Variants in GLI3 observed in about 807,000 individuals in gnomAD.
GLI3 encodes GLI family zinc finger 3.
A neutral mutation model predicts 100.8 loss-of-function variants in GLI3; 20 were observed. The observed-to-expected ratio is 0.20, with a 90% confidence interval of 0.14 to 0.29. The LOEUF (loss-of-function observed/expected upper bound fraction) is 0.29. Ranked by LOEUF, GLI3 falls within the 10% of genes least tolerant of loss-of-function variation. The probability of loss-of-function intolerance (pLI) is 1.00; values close to 1 mark genes in which losing one functional copy is unlikely to be tolerated. For synonymous variants in GLI3, 938 were observed against 860.5 expected, an observed-to-expected ratio of 1.09 and a Z score of -1.58; for missense variants, 2,040 against 2,128.5, an observed-to-expected ratio of 0.96 and a Z score of 0.82.
At chr7:42,249,032 C>T (rs1190356955) in intron 1 of GLI3, among the ~76,000 whole-genome samples, 2 of 152,142 alleles carry the variant, frequency 1.3e-5, no homozygotes, top group Non-Finnish European at 2.9e-5. Flanking sequence ...CAGGCATGAG[C>T]CACTGCGCCT....
chr7:42,215,583 G>A (rs2128699550), intron 2 of GLI3, among the ~76,000 whole-genome samples: 1 of 152,272 alleles, frequency 6.6e-6, no homozygotes, highest in South Asian at 2.1e-4. Context: ...CACACCCCAT[G>A]ATCACATGTA....
At chr7:42,097,572 T>C (rs879532524) in intron 3 of GLI3, among the ~76,000 whole-genome samples, 1 of 152,234 alleles carries the variant, frequency 6.6e-6, no homozygotes, top group Non-Finnish European at 1.5e-5. Context: ...CTCGTGTCCA[T>C]GGAAATGGCC....
chr7:42,170,857 G>T (rs1787358516), intron 2 of GLI3, among the ~76,000 whole-genome samples: 2 of 152,130 alleles, frequency 1.3e-5, no homozygotes, highest in Non-Finnish European at 2.9e-5. Context: ...TGGGAAGGAG[G>T]TATTAGACAT....
intron 2 of GLI3, among the ~76,000 whole-genome samples, chr7:42,165,489 T>C (rs1235921801): frequency 6.6e-6 from 1 of 152,238 alleles, no homozygotes; most frequent in African/African-American, 2.4e-5. Flanking sequence ...TTTTTCCACA[T>C]GGACACTTAA....
At chr7:41,988,955 C>T (rs1787903905) in intron 10 of GLI3, among the ~76,000 whole-genome samples, 1 of 152,102 alleles carries the variant, frequency 6.6e-6, no homozygotes, top group South Asian at 2.1e-4. Flanking sequence ...TATTTAAGTC[C>T]TATTGTGATT....
intron 4 of GLI3, among the ~76,000 whole-genome samples, chr7:42,053,837 T>C (rs887642308): frequency 1.3e-5 from 2 of 152,198 alleles, no homozygotes; most frequent in African/African-American, 4.8e-5. Flanking sequence ...CAAAAGAGTA[T>C]AGAAATATGC....
At chr7:42,124,800 CTGTG>C (rs1005687868) in intron 3 of GLI3, among the ~76,000 whole-genome samples, 1 of 152,110 alleles carries the variant, frequency 6.6e-6, no homozygotes, top group African/African-American at 2.4e-5. Flanking sequence ...ATTGGTGCTG[CTGTG>C]TGTGTGAAAA....
At chr7:42,035,406 C>T (rs979809380) in intron 7 of GLI3, among the ~76,000 whole-genome samples, 4 of 152,248 alleles carry the variant, frequency 2.6e-5, no homozygotes, top group Admixed American at 2.6e-4. Context: ...CACAACTTGC[C>T]CTCTCATCAT....
At chr7:42,258,148 A>G (rs1304210201) in intron 1 of GLI3, among the ~76,000 whole-genome samples, 3 of 152,206 alleles carry the variant, frequency 2.0e-5, no homozygotes, top group Non-Finnish European at 4.4e-5. Context: ...TGCAAGCTCC[A>G]TGAGGTCACA....
At chr7:41,980,917 A>C (rs1162468532) in intron 10 of GLI3, among the ~76,000 whole-genome samples, 2 of 152,180 alleles carry the variant, frequency 1.3e-5, no homozygotes, top group African/African-American at 4.8e-5. Context: ...TTACTATACA[A>C]TTACAGTTGT....
intron 1 of GLI3, among the ~76,000 whole-genome samples, chr7:42,227,039 G>A (rs962426754): frequency 6.6e-6 from 1 of 152,168 alleles, no homozygotes; most frequent in Non-Finnish European, 1.5e-5. Flanking sequence ...AAAAAATAAT[G>A]AAGTATAATT....
chr7:42,178,968 G>A (rs898260331), intron 2 of GLI3, among the ~76,000 whole-genome samples: 1 of 152,148 alleles, frequency 6.6e-6, no homozygotes. Context: ...AGGCAAAAAT[G>A]TTCCTGGTGT....
chr7:42,038,352 G>C (rs1247264200), intron 7 of GLI3, among the ~76,000 whole-genome samples: 1 of 150,534 alleles, frequency 6.6e-6, no homozygotes, highest in Non-Finnish European at 1.5e-5. Context: ...CTTCACCCCA[G>C]GTAGGAATCT....
intron 10 of GLI3, among the ~76,000 whole-genome samples, chr7:41,989,117 C>G (rs1787909331): frequency 6.6e-6 from 1 of 152,134 alleles, no homozygotes. Flanking sequence ...GTAAACTCTT[C>G]TTAAGCAAAT....
intron 3 of GLI3, 74 bp from the exon 4 acceptor site, chr7:42,076,931 T>G: frequency 1.2e-6 from 1 of 859,980 alleles, no homozygotes; most frequent in African/African-American, 1.6e-5. Flanking sequence ...AAAGCAACAT[T>G]GCTATACTAT....
intron 4 of GLI3, among the ~76,000 whole-genome samples, chr7:42,051,877 G>T (rs1284524696): frequency 6.6e-6 from 1 of 152,102 alleles, no homozygotes; most frequent in Non-Finnish European, 1.5e-5. Context: ...ATAGTTTAGG[G>T]TTCACTCTTG....
In GLI3 at chr7:42,045,230, A is replaced by G. The variant is rs699493; in HGVS notation, c.826+154T>C. Among the ~76,000 whole-genome samples, 96,695 of 152,048 alleles carry G rather than the reference A, an allele frequency of 0.64. 32,466 individuals carry two copies. The highest frequency in any genetic ancestry group is 0.87 in the African/African-American group (36,008 of 41,490). On this transcript the variant is annotated intron_variant, in intron 6 of 14. Coordinates refer to ENST00000395925, the MANE Select transcript of GLI3 (RefSeq NM_000168.6). ...TCCAAATCTGTGGAAGCTTCTAGAA[A>G]ACGAAGGGAACCAGAGCACCAGATA...
intron 10 of GLI3, among the ~76,000 whole-genome samples, chr7:42,021,128 C>A (rs1368841452): frequency 6.6e-6 from 1 of 152,050 alleles, no homozygotes; most frequent in Non-Finnish European, 1.5e-5. Flanking sequence ...GGTTCCTGCA[C>A]CTCAGACAGT....
chr7:42,225,214 T>A (rs977440614), intron 1 of GLI3, among the ~76,000 whole-genome samples: 1 of 152,234 alleles, frequency 6.6e-6, no homozygotes, highest in Non-Finnish European at 1.5e-5. Flanking sequence ...ACCATTTGTA[T>A]CAGTGTTTCT....
Sources: gnomAD v4.1 joint callset for allele counts (sites outside exome capture counted in the v4.1 genomes callset) on GRCh38, gnomAD v4.1.1 for gene constraint, MANE v1.5 for transcripts, NCBI Gene and HGNC (gene_info 2026-07-23, HGNC 2026-07-21) for gene names.